CUEDC1: variants seen among roughly 807,000 people sequenced by gnomAD.
CUEDC1 encodes CUE domain containing 1, also known as CUE domain-containing protein 1.
In CUEDC1, 30 loss-of-function variants were observed where a neutral mutation model predicts 43.7. The ratio of observed to expected loss-of-function variants is 0.69; its 90% CI spans 0.51 to 0.93. The LOEUF is 0.93. Ranked by LOEUF, CUEDC1 falls within the 40% of genes least tolerant of loss-of-function variation. The pLI is 0.00. For synonymous variants in CUEDC1, 223 were observed against 223.6 expected (o/e 1.00, Z 0.02); for missense variants, 486 against 549.0 (o/e 0.89, Z 1.15).
At chr17:57,907,838 T>TAAA (rs1398235362) in intron 1 of CUEDC1, among the ~76,000 whole-genome samples, 1 of 86,350 alleles carries the variant, frequency 1.2e-5, no homozygotes, top group African/African-American at 5.1e-5. Flanking sequence ...AGAGTGAGAC[T>TAAA]CAAAAAAAAA....
intron 10 of CUEDC1, among the ~76,000 whole-genome samples, chr17:57,863,766 T>C (rs1415825442): frequency 2.0e-5 from 3 of 151,946 alleles, no homozygotes; most frequent in East Asian, 1.9e-4. Flanking sequence ...CTCAGCACTT[T>C]GGGAGGCTGA....
intron 1 of CUEDC1, among the ~76,000 whole-genome samples, chr17:57,904,175 C>A (rs989705864): frequency 6.6e-6 from 1 of 152,118 alleles, no homozygotes; most frequent in African/African-American, 2.4e-5. Flanking sequence ...TGCCTTCCTG[C>A]ACCCCCTTGC....
intron 1 of CUEDC1, among the ~76,000 whole-genome samples, chr17:57,887,182 C>T (rs1023529743): frequency 6.6e-6 from 1 of 152,094 alleles, no homozygotes; most frequent in African/African-American, 2.4e-5. Context: ...GTGTGTCCCT[C>T]AGCCCCCAGG....
intron 1 of CUEDC1, among the ~76,000 whole-genome samples, chr17:57,913,091 C>T (rs1188941130): frequency 6.6e-6 from 1 of 151,942 alleles, no homozygotes; most frequent in African/African-American, 2.4e-5. Flanking sequence ...TTTGGGAGGC[C>T]GAGGCGGGTG....
chr17:57,884,876 G>A (rs753313408), intron 2 of CUEDC1, among the ~76,000 whole-genome samples: 3 of 152,220 alleles, frequency 2.0e-5, no homozygotes, highest in Non-Finnish European at 2.9e-5. Flanking sequence ...CTCTACGCCT[G>A]ATGTGGAGTT....
intron 10 of CUEDC1, among the ~76,000 whole-genome samples, chr17:57,863,539 G>A (rs1296448606): frequency 6.6e-6 from 1 of 152,178 alleles, no homozygotes; most frequent in Admixed American, 6.5e-5. Context: ...ATGGAATCCC[G>A]GGGTGAAGCA....
chr17:57,887,858 G>A (rs1206554698), intron 1 of CUEDC1, among the ~76,000 whole-genome samples: 2 of 144,650 alleles, frequency 1.4e-5, no homozygotes, highest in Non-Finnish European at 3.0e-5. Context: ...ACACTTTAGT[G>A]TGTCTACATC....
At chr17:57,874,296 G>T (rs147245721) in intron 3 of CUEDC1, among the ~76,000 whole-genome samples, 3,482 of 152,306 alleles carry the variant, frequency 0.023, 71 homozygotes, top group Non-Finnish European at 0.033. Context: ...TCCCTCTAGG[G>T]CTCGGTTTCC....
In CUEDC1 at chr17:57,867,713, G is replaced by C. The variant is rs1011640172; in HGVS notation, c.1035-298C>G. ...AGGCCCTGTTTGAGAAGCATGAATA[G>C]GAGTTCTGATAAAAAGGTGGAAAGC... On this transcript the variant is annotated intron_variant, in intron 8 of 10. Transcript: ENST00000577830. The C allele has an allele frequency of 7.7e-6, 4 of 519,350 alleles. No individual in the cohort carries two copies. In the Admixed American group the frequency reaches 9.5e-5, roughly 12 times the overall value. The allele number at this position is 519,350 out of a possible 1,614,324, so 32.2% of individuals were successfully genotyped here. A position where few individuals can be genotyped will look rare whatever the true frequency, so the allele number is the denominator to read the frequency against.
intron 2 of CUEDC1, 59 bp downstream of exon 2, chr17:57,885,170 A>C (rs1307943763): frequency 2.0e-6 from 3 of 1,483,682 alleles, no homozygotes; most frequent in Non-Finnish European, 2.7e-6. Context: ...CCGTGCCCCT[A>C]CCTCCGGGGG....
chr17:57,952,238 T>A (rs1300069141), intron 1 of CUEDC1, among the ~76,000 whole-genome samples: 1 of 151,854 alleles, frequency 6.6e-6, no homozygotes, highest in Non-Finnish European at 1.5e-5. Context: ...TTATGTTTTT[T>A]TTTTGGAGAC....
chr17:57,949,432 C>T (rs1038283830), intron 1 of CUEDC1, among the ~76,000 whole-genome samples: 1 of 152,072 alleles, frequency 6.6e-6, no homozygotes, highest in Admixed American at 6.6e-5. Context: ...CTGAACCCTC[C>T]AGGCATGTTC....
intron 1 of CUEDC1, among the ~76,000 whole-genome samples, chr17:57,897,091 C>G (rs1045438584): frequency 6.6e-6 from 1 of 151,978 alleles, no homozygotes; most frequent in Non-Finnish European, 1.5e-5. Context: ...CATATTATAT[C>G]ATCTACAGCA....
intron 5 of CUEDC1, among the ~76,000 whole-genome samples, chr17:57,871,912 G>A (rs921775651): frequency 2.0e-5 from 3 of 152,230 alleles, no homozygotes; most frequent in Admixed American, 6.5e-5. Flanking sequence ...TGACAAGAGC[G>A]AGACTATGTC....
rs754332915 is a variant in CUEDC1 at position 57,867,361 on chromosome 17, C to T, written c.1089G>A (p.Ala363=). 1.2e-5 allele frequency: 19 copies of T among 1,552,000 alleles called. No individual in the cohort carries two copies. The East Asian group carries it at 2.0e-4, about 16-fold the overall frequency. ...ANLLDDVEGH[A]CDEDFRGRRQ... is the part of the protein sequence containing the mutation. Reference sequence around the variant, plus strand: ...ACGACTCCCCTCCAGCCTCACCACACGCGTGGCCCTCCACATCATCCAGGA... The same window carrying T: ...ACGACTCCCCTCCAGCCTCACCACATGCGTGGCCCTCCACATCATCCAGGA... Residue 363 remains alanine, a synonymous_variant, in exon 9 of 11, where the codon GCG becomes GCA. Transcript: ENST00000577830.
rs1053948979 is a variant in CUEDC1 at position 57,862,820 on chromosome 17, G to C, written c.*469C>G. The stretch of plus-strand genomic sequence containing the variant: ...GCTGAGGAAGGGGGACCAGAAGGGA[G>C]CTGAGGAAAGGGGGTCAGGCAGAGT... On this transcript the variant is annotated 3_prime_UTR_variant, in exon 11 of 11. Transcript: ENST00000577830. 1 of 152,634 alleles carries C rather than the reference G, an allele frequency of 6.6e-6. No individual in the cohort carries two copies. The allele number at this position is 152,634 out of a possible 1,614,324, so 9.5% of individuals were successfully genotyped here.
At chr17:57,864,540 G>A (rs903493505) in intron 10 of CUEDC1, among the ~76,000 whole-genome samples, 2 of 152,156 alleles carry the variant, frequency 1.3e-5, no homozygotes, top group African/African-American at 2.4e-5. Context: ...AGGGGAGTGC[G>A]TGTGGAAGAG....
At chr17:57,915,735 G>T (rs1481695713) in intron 1 of CUEDC1, among the ~76,000 whole-genome samples, 1 of 152,160 alleles carries the variant, frequency 6.6e-6, no homozygotes, top group African/African-American at 2.4e-5. Flanking sequence ...ACCCCCGGCT[G>T]TTTGGGCCAA....
At chr17:57,940,176 G>A (rs1404331035) in intron 1 of CUEDC1, among the ~76,000 whole-genome samples, 2 of 151,556 alleles carry the variant, frequency 1.3e-5, no homozygotes, top group African/African-American at 4.9e-5. Context: ...CCTGCCATGT[G>A]ACTCTTCTTC....
Sources: allele counts gnomAD v4.1 joint callset (sites outside exome capture counted in the v4.1 genomes callset), GRCh38; gene constraint gnomAD v4.1.1; transcripts MANE v1.5; gene names NCBI Gene and HGNC (gene_info 2026-07-23, HGNC 2026-07-21).